Variants in ALCAM observed in about 807,000 individuals in gnomAD.
The protein encoded by ALCAM is CD166 antigen.
A neutral mutation model predicts 70.9 loss-of-function variants in ALCAM; 30 were observed. The observed-to-expected ratio is 0.42, with a 90% confidence interval of 0.32 to 0.57. ALCAM has a LOEUF of 0.57. ALCAM is among the 20% of genes least tolerant of loss of function. The pLI, the probability that ALCAM is intolerant of heterozygous loss-of-function variation, is 0.11. For missense variants in ALCAM, 591 were observed against 695.1 expected, an observed-to-expected ratio of 0.85 and a Z score of 1.68; for synonymous variants, 249 against 242.5, an observed-to-expected ratio of 1.03 and a Z score of -0.25.
chr3:105,540,135 C>T, intron 7 of ALCAM, 33 bp downstream of exon 7: 3 of 1,593,456 alleles, frequency 1.9e-6, no homozygotes, highest in Non-Finnish European at 2.6e-6. Flanking sequence ...AGTTGGATGA[C>T]TATCATTTTT....
intron 1 of ALCAM, among the ~76,000 whole-genome samples, chr3:105,508,527 G>A (rs1282637822): frequency 6.6e-6 from 1 of 152,116 alleles, no homozygotes. Context: ...ATAAAAGAAT[G>A]TTGCAAACTA....
chr3:105,519,999 C>T (rs1415572198), intron 1 of ALCAM, 68 bp from the exon 2 acceptor site: 2 of 1,026,920 alleles, frequency 1.9e-6, no homozygotes, highest in African/African-American at 1.6e-5. Context: ...TTTGTCATTT[C>T]AAGAAAGCAT....
intron 1 of ALCAM, among the ~76,000 whole-genome samples, chr3:105,399,185 A>T (rs1489214771): frequency 1.3e-5 from 2 of 152,264 alleles, no homozygotes; most frequent in African/African-American, 4.8e-5. Context: ...AACAGAAATT[A>T]TTCAGATATA....
intron 14 of ALCAM, among the ~76,000 whole-genome samples, chr3:105,562,663 A>G (rs1940650721): frequency 6.6e-6 from 1 of 152,184 alleles, no homozygotes; most frequent in South Asian, 2.1e-4. Context: ...ATGGATCAAT[A>G]AAAGGGCCCC....
intron 1 of ALCAM, among the ~76,000 whole-genome samples, chr3:105,381,088 T>C (rs1935507872): frequency 6.6e-6 from 1 of 151,934 alleles, no homozygotes; most frequent in African/African-American, 2.4e-5. Flanking sequence ...ATCTATGCAA[T>C]GGGAATAATA....
intron 1 of ALCAM, among the ~76,000 whole-genome samples, chr3:105,465,868 G>A (rs1220121357): frequency 2.0e-5 from 3 of 151,218 alleles, no homozygotes; most frequent in Non-Finnish European, 4.4e-5. Flanking sequence ...GCTGTGCATT[G>A]CCAGAGGTAA....
chr3:105,448,500 T>A (rs945275258), intron 1 of ALCAM, among the ~76,000 whole-genome samples: 2 of 152,070 alleles, frequency 1.3e-5, no homozygotes, highest in Non-Finnish European at 2.9e-5. Context: ...TTTTAGCCAA[T>A]TCCAACCTAG....
At chr3:105,401,361 T>G (rs1165142034) in intron 1 of ALCAM, among the ~76,000 whole-genome samples, 1 of 152,204 alleles carries the variant, frequency 6.6e-6, no homozygotes, top group Admixed American at 6.5e-5. Flanking sequence ...GAAGTTTCCT[T>G]AGGGGCTGAG....
chr3:105,404,680 A>C (rs1376026930), intron 1 of ALCAM, among the ~76,000 whole-genome samples: 2 of 151,680 alleles, frequency 1.3e-5, no homozygotes, highest in African/African-American at 4.8e-5. Flanking sequence ...ACAATGAAAA[A>C]AAAAACAAGG....
chr3:105,397,475 G>C (rs1031176970), intron 1 of ALCAM, among the ~76,000 whole-genome samples: 2 of 151,738 alleles, frequency 1.3e-5, no homozygotes, highest in African/African-American at 4.8e-5. Flanking sequence ...TTTATACCAA[G>C]TATAGAGATA....
intron 6 of ALCAM, among the ~76,000 whole-genome samples, chr3:105,538,397 A>G (rs1576229351): frequency 6.6e-6 from 1 of 152,174 alleles, no homozygotes. Flanking sequence ...ATTCAAAGTC[A>G]GGGGCAAACG....
chr3:105,419,675 G>A (rs1195200511), intron 1 of ALCAM, among the ~76,000 whole-genome samples: 1 of 151,706 alleles, frequency 6.6e-6, no homozygotes, highest in Non-Finnish European at 1.5e-5. Flanking sequence ...TTAAAAATAT[G>A]GCAGACTAGA....
intron 1 of ALCAM, among the ~76,000 whole-genome samples, chr3:105,477,968 AT>A (rs965654322): frequency 1.1e-4 from 16 of 151,954 alleles, no homozygotes; most frequent in South Asian, 6.2e-4. Flanking sequence ...ATTATAAGCC[AT>A]TTTTTCCCTT....
intron 1 of ALCAM, among the ~76,000 whole-genome samples, chr3:105,427,177 G>T (rs1936810992): frequency 6.6e-6 from 1 of 151,916 alleles, no homozygotes; most frequent in Non-Finnish European, 1.5e-5. Context: ...ACAGGAAGAA[G>T]AGAGTATATA....
At chr3:105,524,153 C>G (rs1367157210) in intron 2 of ALCAM, 136 bp from the exon 3 acceptor site, 10 of 739,336 alleles carry the variant, frequency 1.4e-5, no homozygotes, top group Non-Finnish European at 1.9e-5. Flanking sequence ...TTACGTGAGA[C>G]TTGTATAAAA....
intron 1 of ALCAM, among the ~76,000 whole-genome samples, chr3:105,416,102 T>G (rs1302253752): frequency 1.3e-5 from 2 of 152,052 alleles, no homozygotes; most frequent in Non-Finnish European, 2.9e-5. Context: ...GGCTCCTGAT[T>G]CTTTGCTGCA....
At chr3:105,533,750 G>A (rs1939902202) in intron 5 of ALCAM, 60 bp downstream of exon 5, 6 of 1,508,838 alleles carry the variant, frequency 4.0e-6, no homozygotes. Flanking sequence ...GACTTTCTTT[G>A]TTCTAGGTAT....
intron 6 of ALCAM, among the ~76,000 whole-genome samples, chr3:105,537,309 A>G (rs576287689): frequency 5.5e-4 from 83 of 152,194 alleles, no homozygotes; most frequent in African/African-American, 2.0e-3. Context: ...TTTCCAATGA[A>G]TTGCAAAATA....
chr3:105,469,168 G>T (rs1477312764), intron 1 of ALCAM, among the ~76,000 whole-genome samples: 3 of 26,860 alleles, frequency 1.1e-4, no homozygotes, highest in East Asian at 0.014. Flanking sequence ...CAAGTATTGC[G>T]GGGTTTTTTG....
Sources: allele counts gnomAD v4.1 joint callset (sites outside exome capture counted in the v4.1 genomes callset), GRCh38; gene constraint gnomAD v4.1.1; transcripts MANE v1.5; gene names NCBI Gene and HGNC (gene_info 2026-07-23, HGNC 2026-07-21).